ARAP2: variants seen among roughly 807,000 people sequenced by gnomAD.
ARAP2 encodes arf-GAP with Rho-GAP domain, ANK repeat and PH domain-containing protein 2.
A neutral mutation model predicts 194.5 loss-of-function variants in ARAP2; 148 were observed. The ratio of observed to expected loss-of-function variants is 0.76; its 90% CI spans 0.67 to 0.87. The LOEUF (loss-of-function observed/expected upper bound fraction) is 0.87. ARAP2 is among the 40% of genes least tolerant of loss of function. The pLI, the probability that ARAP2 is intolerant of heterozygous loss-of-function variation, is 0.00. For synonymous variants in ARAP2, 695 were observed against 683.5 expected, an observed-to-expected ratio of 1.02 and a Z score of -0.26; for missense variants, 2,128 against 1,989.7, an observed-to-expected ratio of 1.07 and a Z score of -1.32.
intron 6 of ARAP2, among the ~76,000 whole-genome samples, chr4:36,018,379 A>C (rs1406001445): frequency 6.6e-6 from 1 of 151,820 alleles, no homozygotes; most frequent in Non-Finnish European, 1.5e-5. Flanking sequence ...GCACTTGACC[A>C]ACAGCAATGT....
intron 16 of ARAP2, 141 bp downstream of exon 16, chr4:36,150,759 G>A (rs1447813724): frequency 8.0e-6 from 7 of 869,870 alleles, no homozygotes; most frequent in Admixed American, 2.9e-5. Flanking sequence ...TTCAGAAGGC[G>A]CAAGATAAGT....
chr4:36,034,573 A>G (rs912209490), intron 5 of ARAP2, among the ~76,000 whole-genome samples: 3 of 152,102 alleles, frequency 2.0e-5, no homozygotes, highest in African/African-American at 7.2e-5. Flanking sequence ...TATGTATAAA[A>G]TCATATTTCC....
At chr4:36,197,160 G>A (rs1743290352) in intron 6 of ARAP2, among the ~76,000 whole-genome samples, 1 of 151,776 alleles carries the variant, frequency 6.6e-6, no homozygotes, top group Non-Finnish European at 1.5e-5. Context: ...TACTTATGGG[G>A]TAAATGTGAT....
downstream of ARAP2, among the ~76,000 whole-genome samples, chr4:36,062,907 T>G (rs1392103700): frequency 6.6e-6 from 1 of 152,216 alleles, no homozygotes; most frequent in Non-Finnish European, 1.5e-5. Context: ...TTTAATTACC[T>G]GATTCATTTC....
At chr4:36,050,021 G>T (rs1722409886) in intron 3 of ARAP2, among the ~76,000 whole-genome samples, 1 of 152,150 alleles carries the variant, frequency 6.6e-6, no homozygotes, top group African/African-American at 2.4e-5. Context: ...GATTTGTTTA[G>T]TGTGGACTTT....
chr4:36,239,933 G>A (rs1389108230), intron 1 of ARAP2, among the ~76,000 whole-genome samples: 2 of 152,044 alleles, frequency 1.3e-5, no homozygotes, highest in Non-Finnish European at 2.9e-5. Context: ...CATTCGTGAG[G>A]CTTCCCTGCC....
chr4:36,090,642 T>A (rs1560408248), intron 28 of ARAP2, among the ~76,000 whole-genome samples: 2 of 152,208 alleles, frequency 1.3e-5, no homozygotes, highest in Middle Eastern at 3.4e-3. Context: ...CCATTATCGT[T>A]GGCAAACTAG....
chr4:36,210,251 A>C (rs1746452961), intron 6 of ARAP2, 139 bp downstream of exon 6: 1 of 705,766 alleles, frequency 1.4e-6, no homozygotes, highest in East Asian at 2.8e-5. Flanking sequence ...AGTGTGCTGA[A>C]AGTCCCTAAA....
At chr4:36,175,775 A>G (rs1465417898) in intron 9 of ARAP2, among the ~76,000 whole-genome samples, 1 of 152,046 alleles carries the variant, frequency 6.6e-6, no homozygotes, top group Non-Finnish European at 1.5e-5. Flanking sequence ...AGGAGAATAT[A>G]CTCATTTCTC....
At chr4:36,011,189 T>G (rs6815450) in intron 9 of ARAP2, among the ~76,000 whole-genome samples, 136,970 of 152,080 alleles carry the variant, frequency 0.9, 61,829 homozygotes, top group African/African-American at 0.96. Context: ...ACTCTTTTAT[T>G]CTACTGAGAT....
chr4:36,150,830 A>C (rs1730792405), intron 16 of ARAP2, 70 bp downstream of exon 16: 2 of 1,503,274 alleles, frequency 1.3e-6, no homozygotes, highest in African/African-American at 1.4e-5. Flanking sequence ...AATGATAACA[A>C]AACTCTCATT....
At chr4:36,168,012 CAA>C (rs201722225) in intron 9 of ARAP2, among the ~76,000 whole-genome samples, 19 of 120,344 alleles carry the variant, frequency 1.6e-4, no homozygotes, top group Non-Finnish European at 1.3e-4. Flanking sequence ...AGGCAAAATA[CAA>C]AAAAAAAAAA....
rs1307284390 is a variant in ARAP2 at position 36,228,952 on chromosome 4, C to T, written c.535G>A (p.Glu179Lys). The T allele has an allele frequency of 6.2e-7, 1 of 1,613,996 alleles. No individual in the cohort carries two copies. The highest frequency in any genetic ancestry group is 1.1e-5 in the South Asian group (1 of 91,068). ...ACAGTCTTCTTTGTAATCAATGATT[C>T]TATTTTAATATTGTCACTACCAAAT... ...SLFGSDNIKIESLITKKTVDH... is the reference protein window; with the variant it reads ...SLFGSDNIKIKSLITKKTVDH... Residue 179 changes from glutamate to lysine, a missense_variant, in exon 2 of 33, where the codon GAA becomes AAA. By Grantham distance (56) the Glu-to-Lys change is moderately conservative. Coordinates refer to ENST00000303965, the MANE Select transcript of ARAP2 (RefSeq NM_015230.4).
chr4:36,232,131 G>C lies in ARAP2; in HGVS notation c.-159-2486C>G, dbSNP rs572447481. Among the ~76,000 whole-genome samples the C allele has an allele frequency of 2.6e-5, 4 of 152,308 alleles. No individual in the cohort carries two copies. The South Asian group carries it at 8.3e-4, about 32-fold the overall frequency. ...GATCTTGGACTTCTCAACCTCTAGA[G>C]CTGTGAGAAAATAAATTTACGTGGT... On this transcript the variant is annotated intron_variant, in intron 1 of 32. Coordinates refer to ENST00000303965, the MANE Select transcript of ARAP2 (RefSeq NM_015230.4).
Position 36,066,237 on chromosome 4 carries a change from A to G in ARAP2, c.*1670T>C, listed in dbSNP as rs1274368397. 2 of 152,176 alleles carry G rather than the reference A, an allele frequency of 1.3e-5. No individual in the cohort carries two copies. Among genetic ancestry groups the G allele is most frequent in the African/African-American group, 4.8e-5 (2 of 41,458 alleles). 9.4% of individuals were successfully genotyped at this position (152,176 alleles called of 1,614,324 possible). Reference sequence around the variant, plus strand: ...ATTTCCACATACCTCTTTATTTCATAAAAATATAAATATTTATTAGAAATA... The same window carrying G: ...ATTTCCACATACCTCTTTATTTCATGAAAATATAAATATTTATTAGAAATA... On this transcript the variant is annotated 3_prime_UTR_variant, in exon 33 of 33. Coordinates refer to ENST00000303965, the MANE Select transcript of ARAP2 (RefSeq NM_015230.4).
chr4:36,095,146 C>T (rs1479080635), intron 27 of ARAP2, among the ~76,000 whole-genome samples: 1 of 152,124 alleles, frequency 6.6e-6, no homozygotes, highest in Non-Finnish European at 1.5e-5. Context: ...CCTCCTTTGC[C>T]CCACAATTTT....
At chr4:36,011,090 A>G (rs1023206609) in intron 9 of ARAP2, among the ~76,000 whole-genome samples, 3 of 152,140 alleles carry the variant, frequency 2.0e-5, no homozygotes, top group Admixed American at 6.6e-5. Context: ...AGCAATGTCC[A>G]AGAAAGAGTG....
At chr4:36,095,914 T>C (rs1418065565) in intron 27 of ARAP2, among the ~76,000 whole-genome samples, 4 of 152,120 alleles carry the variant, frequency 2.6e-5, no homozygotes, top group Admixed American at 2.0e-4. Flanking sequence ...TCCGGAAGGA[T>C]TGTTGTGGGC....
intron 5 of ARAP2, among the ~76,000 whole-genome samples, chr4:36,025,958 C>T (rs1275688772): frequency 6.6e-6 from 1 of 151,894 alleles, no homozygotes; most frequent in Non-Finnish European, 1.5e-5. Flanking sequence ...ATGTTTTTTT[C>T]CCCTCTGTAA....
Sources: gnomAD v4.1 joint callset for allele counts (sites outside exome capture counted in the v4.1 genomes callset) on GRCh38, gnomAD v4.1.1 for gene constraint, MANE v1.5 for transcripts, NCBI Gene and HGNC (gene_info 2026-07-23, HGNC 2026-07-21) for gene names.